The following SYT1 variants were observed in gnomAD, a reference collection of about 807,000 sequenced individuals.
SYT1 encodes synaptotagmin-1.
SYT1 carries 8 observed loss-of-function variants against 44.8 expected under a neutral mutation model. That is an observed-to-expected ratio of 0.18 (90% confidence interval 0.10 to 0.32). The LOEUF (loss-of-function observed/expected upper bound fraction) is 0.32, where lower values mean the gene tolerates loss of function less well. SYT1 is among the 10% of genes least tolerant of loss of function. The pLI, the probability that SYT1 is intolerant of heterozygous loss-of-function variation, is 1.00. For missense variants in SYT1, 286 were observed against 509.3 expected, an observed-to-expected ratio of 0.56 and a Z score of 4.22; for synonymous variants, 154 against 188.8, an observed-to-expected ratio of 0.82 and a Z score of 1.51.
At chr12:79,433,654 AAC>A (rs1869924274) in intron 9 of SYT1, among the ~76,000 whole-genome samples, 1 of 152,160 alleles carries the variant, frequency 6.6e-6, no homozygotes, top group Admixed American at 6.5e-5. Flanking sequence ...AGCTCATACA[AAC>A]AGTTTATCCT....
chr12:79,098,926 A>C (rs1419865784), intron 3 of SYT1, among the ~76,000 whole-genome samples: 1 of 152,158 alleles, frequency 6.6e-6, no homozygotes, highest in Non-Finnish European at 1.5e-5. Context: ...CCAATGTATG[A>C]GTATCGACTT....
At chr12:79,418,881 A>G (rs1002666116) in intron 9 of SYT1, among the ~76,000 whole-genome samples, 2 of 152,124 alleles carry the variant, frequency 1.3e-5, no homozygotes, top group African/African-American at 4.8e-5. Context: ...GGGAAGTGAT[A>G]TTTGTAAAAT....
intron 2 of SYT1, among the ~76,000 whole-genome samples, chr12:79,026,222 CTT>C (rs1409527412): frequency 1.3e-5 from 2 of 151,518 alleles, no homozygotes; most frequent in African/African-American, 2.4e-5. Context: ...GGAAGAAGAA[CTT>C]TATTAACTTG....
rs1324695349 is a variant in SYT1 at position 79,293,406 on chromosome 12, A to AAAATT, written c.474+1280_474+1284dup. On this transcript the variant is annotated intron_variant, in intron 6 of 10. Coordinates refer to ENST00000261205, the MANE Select transcript of SYT1 (RefSeq NM_005639.3). The stretch of plus-strand genomic sequence containing the variant: ...AAAATAAAATAAAATAAAATAAAAT[A>AAAATT]AAATTAAAAAATCTGTAAGACATAG... 8.1e-3 allele frequency among the ~76,000 whole-genome samples: 519 copies of AAAATT among 63,760 alleles called. 32 individuals are homozygous for AAAATT. The highest frequency in any genetic ancestry group is 0.026 in the East Asian group (37 of 1,398). 41.8% of individuals were successfully genotyped at this position (63,760 alleles called of 152,430 possible).
intron 9 of SYT1, among the ~76,000 whole-genome samples, chr12:79,423,352 AAGAG>A (rs1869237019): frequency 6.6e-6 from 1 of 152,088 alleles, no homozygotes; most frequent in African/African-American, 2.4e-5. Context: ...GAGAAAGAGA[AAGAG>A]AGAGACTCTA....
intron 1 of SYT1, among the ~76,000 whole-genome samples, chr12:78,941,449 T>C (rs936345212): frequency 2.6e-5 from 4 of 151,440 alleles, no homozygotes; most frequent in Non-Finnish European, 5.9e-5. Context: ...TGTAATACTT[T>C]AGAAGAAAAA....
intron 1 of SYT1, among the ~76,000 whole-genome samples, chr12:78,881,406 A>G (rs1377737355): frequency 6.6e-6 from 1 of 151,718 alleles, no homozygotes; most frequent in Non-Finnish European, 1.5e-5. Context: ...ATTATTGTTC[A>G]TAGAGCCACC....
chr12:79,352,195 CCAAA>C (rs1260058816), intron 8 of SYT1, among the ~76,000 whole-genome samples: 1 of 140,522 alleles, frequency 7.1e-6, no homozygotes, highest in Non-Finnish European at 1.6e-5. Flanking sequence ...CACCCCCCCC[CCAAA>C]AAAAAAACGG....
intron 3 of SYT1, among the ~76,000 whole-genome samples, chr12:79,125,451 C>CAAGAAAAAA: frequency 1.0e-5 from 1 of 99,042 alleles, no homozygotes; most frequent in South Asian, 3.3e-4. Context: ...ACTGTCTCTA[C>CAAGAAAAAA]AAAAAAAAAA....
At chr12:78,931,481 G>T (rs906681801) in intron 1 of SYT1, among the ~76,000 whole-genome samples, 2 of 152,012 alleles carry the variant, frequency 1.3e-5, no homozygotes, top group African/African-American at 4.8e-5. Context: ...AAGAAAGAAA[G>T]AAAGAGAAAG....
intron 1 of SYT1, among the ~76,000 whole-genome samples, chr12:78,874,527 T>A (rs570004279): frequency 2.6e-5 from 4 of 151,734 alleles, no homozygotes; most frequent in African/African-American, 9.6e-5. Flanking sequence ...AATGCAATAA[T>A]GTTTGCAAAT....
At chr12:79,053,520 T>A (rs900581758) in intron 3 of SYT1, among the ~76,000 whole-genome samples, 6 of 150,082 alleles carry the variant, frequency 4.0e-5, no homozygotes, top group Admixed American at 1.3e-4. Flanking sequence ...TAATAAAATT[T>A]AAAAAAATTC....
intron 9 of SYT1, among the ~76,000 whole-genome samples, chr12:79,399,841 C>G (rs1241180305): frequency 6.6e-6 from 1 of 152,154 alleles, no homozygotes; most frequent in African/African-American, 2.4e-5. Context: ...TAGGGCCACA[C>G]CCTGAGTACC....
chr12:79,255,726 A>G (rs950321446), intron 4 of SYT1, among the ~76,000 whole-genome samples: 3 of 152,208 alleles, frequency 2.0e-5, no homozygotes, highest in Admixed American at 2.0e-4. Context: ...ACTCTGTGGA[A>G]TTGAAAGATT....
intron 4 of SYT1, among the ~76,000 whole-genome samples, chr12:79,283,812 A>G (rs1377071547): frequency 2.0e-5 from 3 of 151,898 alleles, no homozygotes. Flanking sequence ...TAACTGTCAC[A>G]TAAGTATTTC....
At chr12:79,011,455 C>T (rs906494151) in intron 2 of SYT1, among the ~76,000 whole-genome samples, 1 of 151,560 alleles carries the variant, frequency 6.6e-6, no homozygotes, top group South Asian at 2.1e-4. Context: ...TCATCAGAGA[C>T]CCTAAGAATA....
Position 79,241,008 on chromosome 12 carries a change from A to G in SYT1, c.166+23323A>G, listed in dbSNP as rs138852323. On this transcript the variant is annotated intron_variant, in intron 4 of 10. Coordinates refer to ENST00000261205, the MANE Select transcript of SYT1 (RefSeq NM_005639.3). ...GGCAACATAGCAAGATCCCATCTCT[A>G]TAAAAAATTTTAAAACCAGCCTGTC... is the stretch of plus-strand genomic sequence containing the variant. Among the ~76,000 whole-genome samples, 538 of 152,198 alleles carry G rather than the reference A, an allele frequency of 3.5e-3. 3 individuals are homozygous for G. The highest frequency in any genetic ancestry group is 0.012 in the African/African-American group (496 of 41,526).
intron 1 of SYT1, among the ~76,000 whole-genome samples, chr12:78,906,712 G>C (rs1356837390): frequency 6.6e-6 from 1 of 151,990 alleles, no homozygotes; most frequent in Non-Finnish European, 1.5e-5. Context: ...TGTCTGTCCT[G>C]GTGTAAGAAA....
At chr12:79,355,551 G>T (rs1883078955) in intron 9 of SYT1, among the ~76,000 whole-genome samples, 2 of 152,154 alleles carry the variant, frequency 1.3e-5, no homozygotes, top group South Asian at 4.1e-4. Flanking sequence ...CTCACTGCCT[G>T]TAGAATTAAG....
Sources: allele counts gnomAD v4.1 joint callset (sites outside exome capture counted in the v4.1 genomes callset), GRCh38; gene constraint gnomAD v4.1.1; transcripts MANE v1.5; gene names NCBI Gene and HGNC (gene_info 2026-07-23, HGNC 2026-07-21).